CLPSL1: variants seen among roughly 807,000 people sequenced by gnomAD.
The protein encoded by CLPSL1 is colipase like 1.
A neutral mutation model predicts 9.3 loss-of-function variants in CLPSL1; 13 were observed. That is an observed-to-expected ratio of 1.40 (90% CI 0.91 to 2.22). The LOEUF is 2.22. CLPSL1 is among the 30% of genes most tolerant of loss of function. The pLI, the probability that CLPSL1 is intolerant of heterozygous loss-of-function variation, is 0.00. For synonymous variants in CLPSL1, 58 were observed against 56.9 expected (o/e 1.02, Z -0.08); for missense variants, 164 against 146.6 (o/e 1.12, Z -0.61).
chr6:35,785,247 A>G (rs1297573348), intron 1 of CLPSL1, among the ~76,000 whole-genome samples: 1 of 139,872 alleles, frequency 7.1e-6, no homozygotes, highest in Non-Finnish European at 1.5e-5. Context: ...GTGCAATCTC[A>G]GCTAACTGCA....
chr6:35,781,093 C>T lies in CLPSL1; in HGVS notation c.-18C>T, dbSNP rs769237604. On this transcript the variant is annotated 5_prime_UTR_variant, in exon 1 of 3. Coordinates refer to ENST00000373861, the MANE Select transcript of CLPSL1 (RefSeq NM_001010886.5). ...ATATTTCGCTGGACCCTAGAAAAGC[C>T]ACCACGACCTGTGGGCCATGATGCT... is the stretch of plus-strand genomic sequence containing the variant. 1.2e-6 allele frequency: 2 copies of T among 1,612,960 alleles called. No individual in the cohort carries two copies. The highest frequency in any genetic ancestry group is 2.2e-5 in the East Asian group (1 of 44,880).
Position 35,788,015 on chromosome 6 carries a change from C to G in CLPSL1, c.*5C>G, listed in dbSNP as rs1350597239. 1 of 1,607,674 alleles carries G rather than the reference C, an allele frequency of 6.2e-7. No homozygotes were observed. Among genetic ancestry groups the G allele is most frequent in the Non-Finnish European group, 8.5e-7 (1 of 1,174,570 alleles). Reference sequence around the variant, plus strand: ...GCTAAGAAAATGTTCTTCTAGTGCTCCCTCCTTCTTGCTGCCTCCTCCTCC... The same window carrying G: ...GCTAAGAAAATGTTCTTCTAGTGCTGCCTCCTTCTTGCTGCCTCCTCCTCC... On this transcript the variant is annotated 3_prime_UTR_variant, in exon 3 of 3. Transcript: ENST00000373861.
At chr6:35,785,177 T>TTA (rs1422990270) in intron 1 of CLPSL1, among the ~76,000 whole-genome samples, 9 of 146,484 alleles carry the variant, frequency 6.1e-5, no homozygotes, top group Non-Finnish European at 9.0e-5. Flanking sequence ...CCTGGAAATT[T>TTA]TTTTTTTTTT....
At position 35,787,922 on chromosome 6, in the gene CLPSL1, AT is replaced by A. The variant is rs757185755; in HGVS notation, c.280del (p.Ser94GlnfsTer?). 25 of 1,610,576 alleles carry A rather than the reference AT, an allele frequency of 1.6e-5. No homozygotes were observed. The African/African-American group carries it at 1.7e-4, about 11-fold the overall frequency. Reference protein sequence around the residue: ...CPCLRNLTCIYSKNEKWLSIA... With the variant: ...CPCLRNLTCIXSKNEKWLSIA... ...TGCCTGCGGAACCTGACTTGTATAT[AT>A]TCAAAGAATGAGAAATGGCTTAGCA... On this transcript the variant is annotated frameshift_variant, in exon 3 of 3. Transcript: ENST00000373861. LOFTEE classifies it low-confidence loss of function (END_TRUNC).
chr6:35,782,688 G>A (rs534108297), intron 1 of CLPSL1, among the ~76,000 whole-genome samples: 1 of 152,270 alleles, frequency 6.6e-6, no homozygotes, highest in Non-Finnish European at 1.5e-5. Flanking sequence ...CCCAGTGATG[G>A]CTTTGAATCC....
chr6:35,789,738 A>G (rs1273382131), downstream of CLPSL1, among the ~76,000 whole-genome samples: 1 of 152,230 alleles, frequency 6.6e-6, no homozygotes, highest in Non-Finnish European at 1.5e-5. Flanking sequence ...TACTAAAAAT[A>G]CAAAAATTAG....
At chr6:35,782,762 G>T (rs957455960) in intron 1 of CLPSL1, among the ~76,000 whole-genome samples, 1 of 152,066 alleles carries the variant, frequency 6.6e-6, no homozygotes, top group Non-Finnish European at 1.5e-5. Flanking sequence ...GGGAAGAACT[G>T]ACTTGAGGAG....
chr6:35,784,751 T>A (rs965567329), intron 1 of CLPSL1, among the ~76,000 whole-genome samples: 9 of 152,192 alleles, frequency 5.9e-5, no homozygotes, highest in South Asian at 2.1e-4. Flanking sequence ...GTGGAAGGTA[T>A]CTGAGTTATT....
At chr6:35,783,666 T>G (rs12207830) in intron 1 of CLPSL1, among the ~76,000 whole-genome samples, 1 of 149,428 alleles carries the variant, frequency 6.7e-6, no homozygotes, top group Non-Finnish European at 1.5e-5. Context: ...AAATTAGCTG[T>G]GCGTGGTGGC....
In CLPSL1 at chr6:35,787,946, G is replaced by A. The variant is rs1470276923; in HGVS notation, c.302G>A (p.Ser101Asn). The A allele has an allele frequency of 1.2e-6, 2 of 1,613,104 alleles. No homozygotes were observed. The highest frequency in any genetic ancestry group is 1.7e-5 in the Admixed American group (1 of 60,010). Residue 101 changes from serine (S) to asparagine (N), a missense_variant, in exon 3 of 3, where the codon AGC (serine) becomes AAC (asparagine). Coordinates refer to ENST00000373861, the MANE Select transcript of CLPSL1 (RefSeq NM_001010886.5). ...TATTCAAAGAATGAGAAATGGCTTA[G>A]CATCGCCTATGGCCGTTGTCAGAAA... ...CIYSKNEKWLSIAYGRCQKIG... is the reference protein window; with the variant it reads ...CIYSKNEKWLNIAYGRCQKIG...
At chr6:35,785,841 AC>A (rs1768060031) in intron 1 of CLPSL1, among the ~76,000 whole-genome samples, 1 of 151,178 alleles carries the variant, frequency 6.6e-6, no homozygotes, top group Non-Finnish European at 1.5e-5. Context: ...TCCCAGCTAC[AC>A]GGGAGGCTGA....
chr6:35,793,784 G>C, downstream of CLPSL1: 1 of 351,522 alleles, frequency 2.8e-6, no homozygotes, highest in Non-Finnish European at 5.6e-6. Context: ...GGGCTGGGAC[G>C]ACATCGAAGT....
chr6:35,783,787 G>A (rs1418911833), intron 1 of CLPSL1, among the ~76,000 whole-genome samples: 7 of 144,598 alleles, frequency 4.8e-5, no homozygotes, highest in African/African-American at 7.8e-5. Context: ...CAGCCTGGGC[G>A]ACGGCGAGAC....
At chr6:35,781,946 T>G (rs1767975501) in intron 1 of CLPSL1, among the ~76,000 whole-genome samples, 1 of 151,980 alleles carries the variant, frequency 6.6e-6, no homozygotes, top group Non-Finnish European at 1.5e-5. Flanking sequence ...GAGACAGGGT[T>G]TCACCGTATT....
At position 35,788,102 on chromosome 6, in the gene CLPSL1, A is replaced by C; in HGVS notation, c.*92A>C. On this transcript the variant is annotated 3_prime_UTR_variant, in exon 3 of 3. Coordinates refer to ENST00000373861, the MANE Select transcript of CLPSL1 (RefSeq NM_001010886.5). ...CACCCTGTTCCCCAGAGCCTCCACC[A>C]TGAGTGGAGGGAAGTGGGGAGTGAT... 35 of 860,080 alleles carry C rather than the reference A, an allele frequency of 4.1e-5. No individual in the cohort carries two copies. Among genetic ancestry groups the C allele is most frequent in the Non-Finnish European group, 5.4e-5 (30 of 553,558 alleles). 53.3% of individuals were successfully genotyped at this position (860,080 alleles called of 1,614,324 possible).
intron 1 of CLPSL1, among the ~76,000 whole-genome samples, chr6:35,783,611 C>G (rs961257331): frequency 1.3e-5 from 2 of 151,636 alleles, no homozygotes; most frequent in Non-Finnish European, 2.9e-5. Context: ...TCAAGACCAT[C>G]CTGGCTAACA....
Position 35,786,979 on chromosome 6 carries a change from G to A in CLPSL1, c.100-19G>A. The stretch of plus-strand genomic sequence containing the variant: ...AAGGCGGGCGGTGGAGCCTGGCGGT[G>A]CCGTGTCCCTCCCTGCAGGAGCTCA... On this transcript the variant is annotated intron_variant, in intron 1 of 2. Coordinates refer to ENST00000373861, the MANE Select transcript of CLPSL1 (RefSeq NM_001010886.5). The A allele has an allele frequency of 6.4e-7, 1 of 1,563,910 alleles. No individual in the cohort carries two copies. Among genetic ancestry groups the A allele is most frequent in the Non-Finnish European group, 8.7e-7 (1 of 1,156,058 alleles).
chr6:35,788,191 G>C (rs957183007), downstream of CLPSL1: 29 of 613,398 alleles, frequency 4.7e-5, no homozygotes, highest in South Asian at 4.5e-4. Flanking sequence ...GGCTGGGCTG[G>C]GGTGGGCATG....
At chr6:35,781,926 A>G (rs188149229) in intron 1 of CLPSL1, among the ~76,000 whole-genome samples, 8 of 151,312 alleles carry the variant, frequency 5.3e-5, no homozygotes, top group African/African-American at 1.7e-4. Context: ...TTTTTTCTGT[A>G]TTTTTAGTAG....
Sources: gnomAD v4.1 joint callset for allele counts (sites outside exome capture counted in the v4.1 genomes callset) on GRCh38, gnomAD v4.1.1 for gene constraint, MANE v1.5 for transcripts, NCBI Gene and HGNC (gene_info 2026-07-23, HGNC 2026-07-21) for gene names.